Variants in KAZN observed in about 807,000 individuals in gnomAD.
KAZN encodes kazrin, periplakin interacting protein, also known as kazrin.
KAZN carries 40 observed loss-of-function variants against 87.4 expected under a neutral mutation model. The ratio of observed to expected loss-of-function variants is 0.46; its 90% CI spans 0.36 to 0.60. The LOEUF is 0.60. Ranked by LOEUF, KAZN falls within the 20% of genes least tolerant of loss-of-function variation. KAZN has a pLI of 0.00. For synonymous variants in KAZN, 466 were observed against 458.3 expected (o/e 1.02, Z -0.22); for missense variants, 898 against 1,073.9 (o/e 0.84, Z 2.29).
chr1:14,913,952 G>A (rs936992138), intron 1 of KAZN, among the ~76,000 whole-genome samples: 2 of 152,214 alleles, frequency 1.3e-5, no homozygotes, highest in Non-Finnish European at 2.9e-5. Context: ...ATGGAGGAGG[G>A]GATGTTACAT....
chr1:14,751,110 A>T (rs912291761), intron 1 of KAZN, among the ~76,000 whole-genome samples: 2 of 152,176 alleles, frequency 1.3e-5, no homozygotes, highest in African/African-American at 2.4e-5. Context: ...TGATTTTTTT[A>T]AAAAGCTTTA....
chr1:14,450,595 A>G (rs1286045559), intron 2 of KAZN, among the ~76,000 whole-genome samples: 1 of 152,150 alleles, frequency 6.6e-6, no homozygotes, highest in Non-Finnish European at 1.5e-5. Context: ...ACCTCAAAAA[A>G]ACAAACAAAA....
rs186377723 is a variant in KAZN, at chr1:15,072,900, G to A, written c.1222+7147G>A. The stretch of plus-strand genomic sequence containing the variant: ...CATCAGAATGCAAGCCTCATTAGTA[G>A]GATGAGGCCGGGCGCTGAGTAGGCC... On this transcript the variant is annotated intron_variant, in intron 8 of 14. Transcript: ENST00000376030. Among the ~76,000 whole-genome samples, 412 of 152,322 alleles carry A rather than the reference G, an allele frequency of 2.7e-3. 4 individuals are homozygous for A. Among genetic ancestry groups the A allele is most frequent in the African/African-American group, 9.5e-3 (396 of 41,576 alleles).
At chr1:14,847,417 TATTGA>T (rs1648915095) in intron 1 of KAZN, among the ~76,000 whole-genome samples, 1 of 152,196 alleles carries the variant, frequency 6.6e-6, no homozygotes. Flanking sequence ...TTCATTTTAT[TATTGA>T]AATTGATGTA....
intron 1 of KAZN, among the ~76,000 whole-genome samples, chr1:14,661,569 G>C (rs949052591): frequency 6.6e-6 from 1 of 151,760 alleles, no homozygotes; most frequent in African/African-American, 2.4e-5. Flanking sequence ...AAGAACAGGT[G>C]GTGGGCCGTA....
chr1:14,447,248 ATT>A (rs1667035359), intron 2 of KAZN, among the ~76,000 whole-genome samples: 1 of 144,230 alleles, frequency 6.9e-6, no homozygotes, highest in African/African-American at 2.6e-5. Flanking sequence ...TATTATTATT[ATT>A]ATTATTGAGG....
intron 2 of KAZN, among the ~76,000 whole-genome samples, chr1:14,554,369 C>T (rs1297927726): frequency 6.6e-6 from 1 of 152,218 alleles, no homozygotes; most frequent in Non-Finnish European, 1.5e-5. Flanking sequence ...AGTCAGTTCA[C>T]AGCTCAGTCC....
intron 1 of KAZN, among the ~76,000 whole-genome samples, chr1:14,925,661 A>G (rs1197242991): frequency 1.3e-5 from 2 of 152,186 alleles, no homozygotes; most frequent in Admixed American, 6.5e-5. Context: ...CAGCAAGCTC[A>G]CTAGCTGGGG....
chr1:14,268,471 TAAA>T (rs70997129), intron 2 of KAZN, among the ~76,000 whole-genome samples: 2 of 140,620 alleles, frequency 1.4e-5, no homozygotes, highest in African/African-American at 2.6e-5. Flanking sequence ...GACACTGTGT[TAAA>T]AAAAAAAAAA....
At chr1:15,113,429 A>G (rs1264931416) in intron 14 of KAZN, 1 of 152,200 alleles carries the variant, frequency 6.6e-6, no homozygotes, top group African/African-American at 2.4e-5. Flanking sequence ...AAGTCTCCTT[A>G]GGGAGCAATA....
intron 2 of KAZN, among the ~76,000 whole-genome samples, chr1:14,218,905 C>CATA (rs144663738): frequency 0.017 from 11 of 662 alleles, no homozygotes; most frequent in Non-Finnish European, 0.025. Flanking sequence ...AGGCATTGTA[C>CATA]ATTTGCTGTT....
At chr1:14,058,667 GC>G in intron 1 of KAZN, among the ~76,000 whole-genome samples, 1 of 152,280 alleles carries the variant, frequency 6.6e-6, no homozygotes, top group East Asian at 1.9e-4. Flanking sequence ...TACAGAGGCA[GC>G]ATTATGTAAA....
At chr1:14,214,234 C>CT (rs918165003) in intron 2 of KAZN, among the ~76,000 whole-genome samples, 1 of 14,462 alleles carries the variant, frequency 6.9e-5, no homozygotes, top group Non-Finnish European at 1.1e-4. Context: ...CACCTCACTC[C>CT]GGCTTTCTTT....
chr1:15,065,732 C>T lies in KAZN; in HGVS notation c.1201C>T (p.Leu401Phe). 1 of 1,614,264 alleles carries T rather than the reference C, an allele frequency of 6.2e-7. No homozygotes were observed. Among genetic ancestry groups the T allele is most frequent in the South Asian group, 1.1e-5 (1 of 91,090 alleles). ...CGCCAGAGGGAAGCAGCGGAAGTCC[C>T]TCGACCCCGGCCTCTTTGATGGTAC... ...VFARGKQRKS[L>F]DPGLFDDSDS... Residue 401 changes from leucine (L) to phenylalanine (F), a missense_variant, in exon 8 of 15, where the codon CTC (leucine) becomes TTC (phenylalanine). Physicochemically the swap from Leu to Phe is conservative, Grantham distance 22. This residue lies in a region of KAZN where 521 missense variants were observed against 689.4 expected (regional missense o/e 0.76). Transcript: ENST00000376030.
chr1:14,729,797 T>G (rs1463080551), intron 1 of KAZN, among the ~76,000 whole-genome samples: 1 of 152,194 alleles, frequency 6.6e-6, no homozygotes, highest in East Asian at 1.9e-4. Context: ...CTACCCAGCC[T>G]GTTTCCGTGT....
At chr1:14,322,103 C>T (rs750335613) in intron 2 of KAZN, among the ~76,000 whole-genome samples, 5 of 152,080 alleles carry the variant, frequency 3.3e-5, no homozygotes, top group Non-Finnish European at 7.4e-5. Context: ...TCCTAACAAA[C>T]TTGGTAGAGG....
chr1:15,003,914 A>G (rs1668753305), intron 2 of KAZN, among the ~76,000 whole-genome samples: 1 of 152,160 alleles, frequency 6.6e-6, no homozygotes, highest in Non-Finnish European at 1.5e-5. Flanking sequence ...ACACCTGTTC[A>G]GCTCCAGGGG....
chr1:14,387,234 T>C (rs995898145), intron 2 of KAZN, among the ~76,000 whole-genome samples: 1 of 152,138 alleles, frequency 6.6e-6, no homozygotes, highest in Non-Finnish European at 1.5e-5. Context: ...TTCAAAGTTT[T>C]CAACTTCTTT....
intron 2 of KAZN, among the ~76,000 whole-genome samples, chr1:15,011,123 C>T (rs947058878): frequency 2.6e-5 from 4 of 152,144 alleles, no homozygotes; most frequent in African/African-American, 9.7e-5. Flanking sequence ...ACAGAGTACA[C>T]CCACTGGCTC....
Sources: gnomAD v4.1 joint callset for allele counts (sites outside exome capture counted in the v4.1 genomes callset) on GRCh38, gnomAD v4.1.1 for gene constraint, gnomAD v4.1.1 regional missense constraint, MANE v1.5 for transcripts, NCBI Gene and HGNC (gene_info 2026-07-23, HGNC 2026-07-21) for gene names.